Variants in KCMF1 observed in about 807,000 individuals in gnomAD.
KCMF1 encodes potassium channel modulatory factor 1.
KCMF1 carries 3 observed loss-of-function variants against 41.1 expected under a neutral mutation model. That is an observed-to-expected ratio of 0.07 (90% CI 0.03 to 0.19). The LOEUF (loss-of-function observed/expected upper bound fraction) is 0.19. Among genes scored for constraint, KCMF1 ranks in the 10% least tolerant of loss-of-function variants. KCMF1 has a pLI of 1.00. For missense variants in KCMF1, 286 were observed against 488.9 expected, an observed-to-expected ratio of 0.58 and a Z score of 3.91; for synonymous variants, 142 against 164.5, an observed-to-expected ratio of 0.86 and a Z score of 1.04.
chr2:84,998,680 G>T (rs1437944490), intron 1 of KCMF1, among the ~76,000 whole-genome samples: 1 of 150,198 alleles, frequency 6.7e-6, no homozygotes, highest in East Asian at 2.0e-4. Flanking sequence ...CCGGTTCACT[G>T]CAACCTCTGC....
Position 85,056,069 on chromosome 2 carries a change from G to A in KCMF1, c.*2660G>A, listed in dbSNP as rs574359477. 1 of 151,896 alleles carries A rather than the reference G, an allele frequency of 6.6e-6. No individual in the cohort carries two copies. Among genetic ancestry groups the A allele is most frequent in the East Asian group, 1.9e-4 (1 of 5,170 alleles). 9.4% of individuals were successfully genotyped at this position (151,896 alleles called of 1,614,324 possible). On this transcript the variant is annotated 3_prime_UTR_variant, in exon 7 of 7. Coordinates refer to ENST00000409785, the MANE Select transcript of KCMF1 (RefSeq NM_020122.5). ...GCAATCATAAGACAGAATTTCTGTG[G>A]TTGGCTACCGTGAAATCTTTGTATT... is the stretch of plus-strand genomic sequence containing the variant.
At chr2:85,015,065 G>C (rs1674738067) in intron 1 of KCMF1, among the ~76,000 whole-genome samples, 1 of 144,390 alleles carries the variant, frequency 6.9e-6, no homozygotes, top group African/African-American at 2.6e-5. Flanking sequence ...CTTCTGTCAA[G>C]AAGTCTTATA....
chr2:84,996,798 G>A (rs998094177), intron 1 of KCMF1, among the ~76,000 whole-genome samples: 8 of 152,088 alleles, frequency 5.3e-5, no homozygotes, highest in African/African-American at 1.9e-4. Context: ...AAGTAGCTGG[G>A]TATGTATAGT....
At chr2:85,018,394 C>T (rs925285129) in intron 1 of KCMF1, among the ~76,000 whole-genome samples, 2 of 151,798 alleles carry the variant, frequency 1.3e-5, no homozygotes, top group Admixed American at 6.6e-5. Flanking sequence ...CTCAGCCTCC[C>T]GAGTACATGG....
chr2:85,053,263 T>C lies in KCMF1; in HGVS notation c.1000T>C (p.Ser334Pro). The C allele has an allele frequency of 6.2e-7, 1 of 1,613,982 alleles. No individual in the cohort carries two copies. Among genetic ancestry groups the C allele is most frequent in the Non-Finnish European group, 8.5e-7 (1 of 1,179,896 alleles). ...LLSTLVREES[S>P]SSDEDDRGEM... ...GTCCACTTTAGTGCGTGAAGAGAGC[T>C]CATCCTCAGATGAGGATGATCGGGG... is the stretch of plus-strand genomic sequence containing the variant. Residue 334 changes from serine to proline, a missense_variant, in exon 7 of 7, where the codon TCA (serine) becomes CCA (proline). Ser to Pro is a moderately conservative substitution (Grantham distance 74, BLOSUM62 -1). This residue lies in a region of KCMF1 where 191 missense variants were observed against 279.3 expected (regional missense o/e 0.68). Transcript: ENST00000409785.
chr2:85,036,875 A>G (rs1014144241), intron 3 of KCMF1, among the ~76,000 whole-genome samples: 2 of 149,632 alleles, frequency 1.3e-5, no homozygotes, highest in African/African-American at 2.4e-5. Context: ...AATATTTATT[A>G]TTATATTTTG....
chr2:85,011,258 A>G (rs1280992276), intron 1 of KCMF1, among the ~76,000 whole-genome samples: 2 of 152,044 alleles, frequency 1.3e-5, no homozygotes, highest in Non-Finnish European at 2.9e-5. Flanking sequence ...TTCATTAGTC[A>G]TTTCTAGATG....
chr2:84,999,694 T>C (rs1674280802), intron 1 of KCMF1, among the ~76,000 whole-genome samples: 2 of 152,328 alleles, frequency 1.3e-5, no homozygotes, highest in Admixed American at 1.3e-4. Flanking sequence ...AAAAGCAGAA[T>C]TATTTGCATA....
intron 1 of KCMF1, among the ~76,000 whole-genome samples, chr2:85,023,621 CCT>C (rs1295412232): frequency 6.6e-6 from 1 of 152,094 alleles, no homozygotes; most frequent in East Asian, 1.9e-4. Flanking sequence ...GCGCCCAGCC[CCT>C]GAGTAGCCTT....
At chr2:84,985,675 A>G (rs940335256) in intron 1 of KCMF1, among the ~76,000 whole-genome samples, 3 of 152,146 alleles carry the variant, frequency 2.0e-5, no homozygotes, top group African/African-American at 7.2e-5. Context: ...CTAAAAATAC[A>G]AAAATTAGCT....
intron 4 of KCMF1, among the ~76,000 whole-genome samples, chr2:85,045,859 A>G (rs765197986): frequency 3.9e-4 from 60 of 152,174 alleles, no homozygotes; most frequent in Non-Finnish European, 3.1e-4. Flanking sequence ...TGAGCTATAT[A>G]GAGAAACTTT....
intron 3 of KCMF1, among the ~76,000 whole-genome samples, chr2:85,035,415 A>G (rs1056547706): frequency 6.6e-6 from 1 of 152,224 alleles, no homozygotes; most frequent in African/African-American, 2.4e-5. Context: ...CAAATTCAGG[A>G]GCCCTTTATT....
At chr2:85,021,612 A>G (rs1268117899) in intron 1 of KCMF1, among the ~76,000 whole-genome samples, 1 of 150,014 alleles carries the variant, frequency 6.7e-6, no homozygotes, top group Non-Finnish European at 1.5e-5. Flanking sequence ...ACAGAGCGAG[A>G]CTGTCACAAA....
intron 1 of KCMF1, among the ~76,000 whole-genome samples, chr2:84,974,689 ATATTTTTTTTTTTTTTT>A (rs1405904797): frequency 3.5e-5 from 1 of 28,300 alleles, no homozygotes; most frequent in Admixed American, 6.6e-4. Flanking sequence ...ATATATATAT[ATATTTTTTTTTTTTTTT>A]TTTTTTTTTT....
rs1239276011 is a variant in KCMF1 at position 85,054,713 on chromosome 2, G to C, written c.*1304G>C. The stretch of plus-strand genomic sequence containing the variant: ...GGGCAGTTTTTGGAATGTAAATTTA[G>C]GACTTTTAAAAAGGTGCGCACAGCT... On this transcript the variant is annotated 3_prime_UTR_variant, in exon 7 of 7. Transcript: ENST00000409785. The C allele has an allele frequency of 1.3e-5, 2 of 152,096 alleles. No individual in the cohort carries two copies. Among genetic ancestry groups the C allele is most frequent in the African/African-American group, 4.8e-5 (2 of 41,402 alleles). 9.4% of individuals were successfully genotyped at this position (152,096 alleles called of 1,614,324 possible).
chr2:85,003,189 G>T (rs1434849585), intron 1 of KCMF1, among the ~76,000 whole-genome samples: 1 of 152,110 alleles, frequency 6.6e-6, no homozygotes, highest in African/African-American at 2.4e-5. Context: ...AATTCATCTT[G>T]TTGGCCGGGC....
chr2:84,982,618 T>C (rs2103967743), intron 1 of KCMF1, among the ~76,000 whole-genome samples: 1 of 152,014 alleles, frequency 6.6e-6, no homozygotes, highest in East Asian at 1.9e-4. Context: ...AGGCTGGTCC[T>C]GGACTCCTGA....
chr2:85,011,244 T>A (rs77093816), intron 1 of KCMF1, among the ~76,000 whole-genome samples: 2,554 of 152,312 alleles, frequency 0.017, 60 homozygotes, highest in African/African-American at 0.058. Flanking sequence ...TGTCCCCATC[T>A]TTCTTCATTA....
intron 1 of KCMF1, among the ~76,000 whole-genome samples, chr2:85,008,093 C>T (rs1317475970): frequency 6.6e-6 from 1 of 151,458 alleles, no homozygotes; most frequent in Admixed American, 6.6e-5. Flanking sequence ...TTTACATGAA[C>T]ACCAAGTTAG....
Sources: gnomAD v4.1 joint callset for allele counts (sites outside exome capture counted in the v4.1 genomes callset) on GRCh38, gnomAD v4.1.1 for gene constraint, gnomAD v4.1.1 regional missense constraint, MANE v1.5 for transcripts, NCBI Gene and HGNC (gene_info 2026-07-23, HGNC 2026-07-21) for gene names.